The following SORCS3 variants were observed in gnomAD, a reference collection of about 807,000 sequenced individuals.
SORCS3 encodes sortilin related VPS10 domain containing receptor 3.
In SORCS3, 57 loss-of-function variants were observed where a neutral mutation model predicts 146.3. The ratio of observed to expected loss-of-function variants is 0.39; its 90% CI spans 0.31 to 0.49. SORCS3 has a LOEUF of 0.49. Among genes scored for constraint, SORCS3 ranks in the 20% least tolerant of loss-of-function variants. SORCS3 has a pLI of 0.92. For missense variants in SORCS3, 1,341 were observed against 1,575.5 expected, an observed-to-expected ratio of 0.85 and a Z score of 2.52; for synonymous variants, 653 against 618.5, an observed-to-expected ratio of 1.06 and a Z score of -0.83.
chr10:105,169,607 G>A (rs2056343366), intron 13 of SORCS3, among the ~76,000 whole-genome samples: 1 of 152,084 alleles, frequency 6.6e-6, no homozygotes. Context: ...ATTTGATTGA[G>A]ACCAAAAATG....
At chr10:104,660,251 T>A (rs1015911119) in intron 1 of SORCS3, among the ~76,000 whole-genome samples, 1 of 152,186 alleles carries the variant, frequency 6.6e-6, no homozygotes, top group African/African-American at 2.4e-5. Flanking sequence ...CCAAGGTGGC[T>A]TCCTGAAAAG....
intron 9 of SORCS3, among the ~76,000 whole-genome samples, chr10:105,150,187 G>A (rs791138): frequency 0.036 from 5,407 of 152,166 alleles, 310 homozygotes; most frequent in African/African-American, 0.12. Context: ...GTCAATGCTG[G>A]AACCGATTAG....
chr10:104,831,165 C>T (rs776180298), intron 1 of SORCS3, among the ~76,000 whole-genome samples: 7 of 152,128 alleles, frequency 4.6e-5, no homozygotes, highest in East Asian at 3.8e-4. Flanking sequence ...TACTGTCACT[C>T]TCTATCAAGA....
chr10:104,697,363 A>G (rs1158349992), intron 1 of SORCS3, among the ~76,000 whole-genome samples: 1 of 152,164 alleles, frequency 6.6e-6, no homozygotes, highest in Non-Finnish European at 1.5e-5. Flanking sequence ...CAGCTTGCTG[A>G]GAGACCAAAG....
intron 1 of SORCS3, among the ~76,000 whole-genome samples, chr10:104,661,746 T>C (rs1416451686): frequency 6.6e-6 from 1 of 152,242 alleles, no homozygotes; most frequent in African/African-American, 2.4e-5. Context: ...AAATAGTTTT[T>C]AAAATATCTT....
intron 1 of SORCS3, among the ~76,000 whole-genome samples, chr10:104,782,260 G>A (rs1356789191): frequency 2.6e-5 from 4 of 152,182 alleles, no homozygotes; most frequent in Admixed American, 2.0e-4. Flanking sequence ...GGCTTAGGAT[G>A]TATCTCCCGG....
intron 7 of SORCS3, among the ~76,000 whole-genome samples, chr10:105,132,974 A>C (rs1252272345): frequency 1.3e-5 from 2 of 152,210 alleles, no homozygotes; most frequent in Non-Finnish European, 2.9e-5. Context: ...ATTAATAGTC[A>C]CTAAACTTTA....
At position 104,866,026 on chromosome 10, in the gene SORCS3, A is replaced by C. The variant is rs559819909; in HGVS notation, c.695+23167A>C. Reference sequence around the variant, plus strand: ...ATTATCCTTGAAATTGGAAAAGAAAAGGAGAGAAGAAATGCACATAGAACA... The same window carrying C: ...ATTATCCTTGAAATTGGAAAAGAAACGGAGAGAAGAAATGCACATAGAACA... On this transcript the variant is annotated intron_variant, in intron 2 of 26. Coordinates refer to ENST00000369701, the MANE Select transcript of SORCS3 (RefSeq NM_014978.3). 9.8e-5 allele frequency among the ~76,000 whole-genome samples: 15 copies of C among 152,340 alleles called. No homozygotes were observed. In the South Asian group the frequency reaches 2.9e-3, roughly 29 times the overall value.
intron 1 of SORCS3, among the ~76,000 whole-genome samples, chr10:104,736,162 A>C (rs781679681): frequency 6.6e-6 from 1 of 152,166 alleles, no homozygotes; most frequent in African/African-American, 2.4e-5. Flanking sequence ...TAAATTTGTC[A>C]TCCTAATTCT....
intron 1 of SORCS3, among the ~76,000 whole-genome samples, chr10:104,747,122 A>C (rs917468707): frequency 6.6e-6 from 1 of 152,190 alleles, no homozygotes; most frequent in Non-Finnish European, 1.5e-5. Context: ...TAATGATGCC[A>C]ATTCCAGAGA....
chr10:105,094,845 G>C (rs2055734577), intron 6 of SORCS3, among the ~76,000 whole-genome samples: 1 of 152,120 alleles, frequency 6.6e-6, no homozygotes, highest in Non-Finnish European at 1.5e-5. Context: ...CATGAGAGGT[G>C]GTATGTGCAA....
intron 3 of SORCS3, among the ~76,000 whole-genome samples, chr10:104,919,337 G>A (rs552961364): frequency 1.3e-5 from 2 of 151,612 alleles, no homozygotes; most frequent in Non-Finnish European, 2.9e-5. Context: ...CTCAGATTGG[G>A]GAAAAATAAG....
In SORCS3 at chr10:104,755,590, A is replaced by C. The variant is rs117951954; in HGVS notation, c.628-87202A>C. Among the ~76,000 whole-genome samples, 1,035 of 152,328 alleles carry C rather than the reference A, an allele frequency of 6.8e-3. 6 individuals are homozygous for C. Among genetic ancestry groups the C allele is most frequent in the Middle Eastern group, 0.01 (3 of 294 alleles). ...ATAATCCTGAAGAATTTAGGATTCA[A>C]TTTGATACTTGAGTTTCTAAGATGG... On this transcript the variant is annotated intron_variant, in intron 1 of 26. Coordinates refer to ENST00000369701, the MANE Select transcript of SORCS3 (RefSeq NM_014978.3).
chr10:104,855,164 T>C (rs2018316058), intron 2 of SORCS3, among the ~76,000 whole-genome samples: 1 of 152,250 alleles, frequency 6.6e-6, no homozygotes. Flanking sequence ...TGTTTTTTGC[T>C]GTCCATTCTG....
intron 4 of SORCS3, among the ~76,000 whole-genome samples, chr10:105,017,018 T>C (rs935602034): frequency 6.6e-6 from 1 of 152,242 alleles, no homozygotes; most frequent in Non-Finnish European, 1.5e-5. Flanking sequence ...AACAATGACT[T>C]TGATGCAATA....
intron 4 of SORCS3, among the ~76,000 whole-genome samples, chr10:104,981,689 AT>A (rs1169679689): frequency 6.6e-6 from 1 of 152,202 alleles, no homozygotes; most frequent in Non-Finnish European, 1.5e-5. Flanking sequence ...AACATTCCTC[AT>A]TTTGACAAGA....
rs1482931546 is a variant in SORCS3, at chr10:105,070,254, A to T, written c.1029-19521A>T. ...TTACCTTTCATGTCTTACTAGACCT[A>T]TATCATAGTTGAGGAAACTAAGGTT... On this transcript the variant is annotated intron_variant, in intron 5 of 26. Transcript: ENST00000369701. 3.3e-5 allele frequency among the ~76,000 whole-genome samples: 5 copies of T among 152,212 alleles called. No individual in the cohort carries two copies. In the East Asian group the frequency reaches 7.7e-4, roughly 23 times the overall value.
chr10:105,239,923 T>G (rs992735821), intron 20 of SORCS3, among the ~76,000 whole-genome samples: 3 of 152,166 alleles, frequency 2.0e-5, no homozygotes, highest in African/African-American at 7.2e-5. Flanking sequence ...TAACAGCTGA[T>G]GAGAAACAAA....
chr10:104,873,119 C>T (rs2451500), intron 2 of SORCS3, among the ~76,000 whole-genome samples: 109,120 of 152,200 alleles, frequency 0.72, 39,582 homozygotes, highest in East Asian at 0.88. Flanking sequence ...CGAATGTGTC[C>T]GTCATTTTCA....
Sources: allele counts gnomAD v4.1 joint callset (sites outside exome capture counted in the v4.1 genomes callset), GRCh38; gene constraint gnomAD v4.1.1; transcripts MANE v1.5; gene names NCBI Gene and HGNC (gene_info 2026-07-23, HGNC 2026-07-21).